The following CUX1 variants were observed in gnomAD, a reference collection of about 807,000 sequenced individuals.
CUX1 encodes the protein protein CASP.
A neutral mutation model predicts 158.8 loss-of-function variants in CUX1; 31 were observed. The ratio of observed to expected loss-of-function variants is 0.20; its 90% CI spans 0.15 to 0.26. The LOEUF (loss-of-function observed/expected upper bound fraction) is 0.26. Ranked by LOEUF, CUX1 falls within the 10% of genes least tolerant of loss-of-function variation. The probability of loss-of-function intolerance (pLI) is 1.00; values close to 1 mark genes in which losing one functional copy is unlikely to be tolerated. For missense variants in CUX1, 1,589 were observed against 2,014.6 expected, an observed-to-expected ratio of 0.79 and a Z score of 4.04; for synonymous variants, 879 against 862.1, an observed-to-expected ratio of 1.02 and a Z score of -0.34.
chr7:101,841,273 C>G (rs1281879155), intron 1 of CUX1, among the ~76,000 whole-genome samples: 1 of 152,048 alleles, frequency 6.6e-6, no homozygotes, highest in Non-Finnish European at 1.5e-5. Flanking sequence ...TAAAACTTAA[C>G]TGTTCTGTGA....
chr7:101,844,352 A>T (rs1282416297), intron 1 of CUX1, among the ~76,000 whole-genome samples: 2 of 152,172 alleles, frequency 1.3e-5, no homozygotes, highest in African/African-American at 4.8e-5. Context: ...TCTTTCTGTG[A>T]TAAACTTCCT....
chr7:102,217,062 T>G (rs1554525139), intron 20 of CUX1, among the ~76,000 whole-genome samples: 2 of 152,342 alleles, frequency 1.3e-5, no homozygotes, highest in African/African-American at 4.8e-5. Context: ...CACAGCTGGC[T>G]TGGTAATAAG....
chr7:101,859,327 A>T (rs1478605486), intron 1 of CUX1, among the ~76,000 whole-genome samples: 2 of 152,250 alleles, frequency 1.3e-5, no homozygotes, highest in African/African-American at 4.8e-5. Context: ...AAAATGATTT[A>T]AAAATTACCA....
chr7:102,036,764 A>C (rs535335921), intron 3 of CUX1, among the ~76,000 whole-genome samples: 1,540 of 150,332 alleles, frequency 0.01, 24 homozygotes, highest in African/African-American at 0.035. Flanking sequence ...AAACAAACAA[A>C]AAAAAAAAAA....
chr7:102,199,551 A>T (rs1795175440), intron 16 of CUX1, among the ~76,000 whole-genome samples: 1 of 152,238 alleles, frequency 6.6e-6, no homozygotes, highest in Non-Finnish European at 1.5e-5. Flanking sequence ...TTTTAAAAAG[A>T]TATTATGTGA....
At chr7:101,832,301 C>T (rs1421079920) in intron 1 of CUX1, among the ~76,000 whole-genome samples, 1 of 152,116 alleles carries the variant, frequency 6.6e-6, no homozygotes, top group East Asian at 1.9e-4. Flanking sequence ...AGTGGCATTT[C>T]CACAGGCATC....
chr7:102,280,043 G>A (rs187131238), exon 19 of CUX1: 54 of 1,605,822 alleles, frequency 3.4e-5, no homozygotes, highest in East Asian at 1.6e-4. Context: ...GCAGGGCAGC[G>A]GCAGTGATGA....
intron 8 of CUX1, among the ~76,000 whole-genome samples, chr7:102,138,851 C>T (rs1476818061): frequency 2.1e-4 from 32 of 152,156 alleles, no homozygotes; most frequent in African/African-American, 2.4e-5. Flanking sequence ...AGGTATGCCA[C>T]GTAGATCCCA....
chr7:101,833,427 C>A (rs1794275588), intron 1 of CUX1, among the ~76,000 whole-genome samples: 1 of 151,156 alleles, frequency 6.6e-6, no homozygotes. Context: ...TGATGGTGCA[C>A]ACCTGTGATC....
intron 1 of CUX1, among the ~76,000 whole-genome samples, chr7:101,845,632 T>A (rs1030620468): frequency 2.6e-5 from 4 of 152,172 alleles, no homozygotes; most frequent in Non-Finnish European, 5.9e-5. Context: ...ATCGTACATT[T>A]CTATGGAACA....
At chr7:102,164,903 G>A (rs1014255954) in intron 9 of CUX1, among the ~76,000 whole-genome samples, 4 of 152,244 alleles carry the variant, frequency 2.6e-5, no homozygotes, top group South Asian at 2.1e-4. Context: ...GGCCAAGAAG[G>A]GGGTGGAAGA....
intron 1 of CUX1, among the ~76,000 whole-genome samples, chr7:101,839,837 C>T (rs1180413655): frequency 6.6e-6 from 1 of 152,238 alleles, no homozygotes; most frequent in Non-Finnish European, 1.5e-5. Flanking sequence ...TCTTGGCTCA[C>T]TTCAGCCTCT....
chr7:102,141,789 ATTTTT>A (rs71123009), intron 8 of CUX1, among the ~76,000 whole-genome samples: 9 of 102,578 alleles, frequency 8.8e-5, no homozygotes, highest in African/African-American at 3.5e-4. Flanking sequence ...CTCTCAGCTA[ATTTTT>A]TTTTTTTTTT....
intron 1 of CUX1, among the ~76,000 whole-genome samples, chr7:101,862,752 G>C (rs2906741): frequency 5.9e-5 from 9 of 151,886 alleles, no homozygotes; most frequent in Middle Eastern, 3.4e-3. Flanking sequence ...CCTTCCCATC[G>C]TAAGTCCCCG....
chr7:102,107,707 G>A (rs1439767663), intron 6 of CUX1, among the ~76,000 whole-genome samples: 5 of 152,238 alleles, frequency 3.3e-5, no homozygotes, highest in East Asian at 1.9e-4. Context: ...AAAGCAGGTC[G>A]TGGGTGAGGT....
intron 5 of CUX1, among the ~76,000 whole-genome samples, chr7:102,099,585 G>A (rs1829574612): frequency 6.6e-6 from 1 of 151,142 alleles, no homozygotes; most frequent in Admixed American, 6.6e-5. Flanking sequence ...TAGATTCAGG[G>A]TCTCGCCCTG....
intron 22 of CUX1, among the ~76,000 whole-genome samples, chr7:102,238,357 C>A (rs1554533591): frequency 6.6e-6 from 1 of 152,208 alleles, no homozygotes; most frequent in African/African-American, 2.4e-5. Flanking sequence ...CTCTGGTGGC[C>A]CTGTCTGGGC....
chr7:101,854,693 T>C lies in CUX1; in HGVS notation c.30+37024T>C, dbSNP rs549895844. On this transcript the variant is annotated intron_variant, in intron 1 of 23. Transcript: ENST00000292535. ...CAACAGTGATGGTTCTGCCTGTTTT[T>C]AGTCACACACACCTGCACACTTCAA... Among the ~76,000 whole-genome samples, 34 of 152,370 alleles carry C rather than the reference T, an allele frequency of 2.2e-4. No homozygotes were observed. In the South Asian group the frequency reaches 6.8e-3, roughly 31 times the overall value.
intron 1 of CUX1, among the ~76,000 whole-genome samples, chr7:101,859,088 ACT>A (rs950188771): frequency 5.7e-4 from 87 of 151,958 alleles, no homozygotes; most frequent in African/African-American, 2.0e-3. Context: ...GCCTTTGGAA[ACT>A]CTAGCTCGAC....
Sources: gnomAD v4.1 joint callset for allele counts (sites outside exome capture counted in the v4.1 genomes callset) on GRCh38, gnomAD v4.1.1 for gene constraint, MANE v1.5 for transcripts, NCBI Gene and HGNC (gene_info 2026-07-23, HGNC 2026-07-21) for gene names.